Variants in THSD7A observed in about 807,000 individuals in gnomAD.
THSD7A encodes thrombospondin type 1 domain containing 7A.
Under a neutral mutation model 231.3 loss-of-function variants are expected in THSD7A, and 96 were observed. The observed-to-expected ratio is 0.41, with a 90% CI of 0.35 to 0.49. The LOEUF (loss-of-function observed/expected upper bound fraction) is 0.49, where lower values mean the gene tolerates loss of function less well. THSD7A is among the 20% of genes least tolerant of loss of function. The pLI is 0.05. For synonymous variants in THSD7A, 940 were observed against 743.3 expected, an observed-to-expected ratio of 1.26 and a Z score of -4.30; for missense variants, 2,290 against 2,070.2, an observed-to-expected ratio of 1.11 and a Z score of -2.06.
chr7:11,706,199 T>C (rs916350571), intron 1 of THSD7A, among the ~76,000 whole-genome samples: 3 of 150,986 alleles, frequency 2.0e-5, no homozygotes, highest in African/African-American at 7.3e-5. Context: ...AAAGGCACCA[T>C]TTTGTAGTTT....
intron 1 of THSD7A, among the ~76,000 whole-genome samples, chr7:11,812,040 A>G (rs1371643143): frequency 2.0e-5 from 3 of 152,114 alleles, no homozygotes; most frequent in Non-Finnish European, 2.9e-5. Context: ...ACCACTGAGC[A>G]TAATGAGAGA....
chr7:11,622,860 G>A (rs973309291), intron 2 of THSD7A, among the ~76,000 whole-genome samples: 1 of 152,278 alleles, frequency 6.6e-6, no homozygotes, highest in African/African-American at 2.4e-5. Context: ...GCCAAGTTAA[G>A]TTTTGGCTAA....
intron 1 of THSD7A, among the ~76,000 whole-genome samples, chr7:11,698,850 T>C (rs779629423): frequency 2.0e-5 from 3 of 151,398 alleles, no homozygotes; most frequent in Admixed American, 2.0e-4. Context: ...AATAGTTACG[T>C]AGAAGTGGAG....
chr7:11,769,103 ACCT>A (rs1783123090), intron 1 of THSD7A, among the ~76,000 whole-genome samples: 8 of 121,020 alleles, frequency 6.6e-5, no homozygotes, highest in African/African-American at 9.2e-5. Flanking sequence ...GATTACAGGC[ACCT>A]GCCATAATTC....
intron 1 of THSD7A, among the ~76,000 whole-genome samples, chr7:11,646,487 G>C (rs1311635425): frequency 6.6e-6 from 1 of 151,990 alleles, no homozygotes; most frequent in Non-Finnish European, 1.5e-5. Context: ...ATATGTTTGT[G>C]AGTGTTTAAA....
At position 11,469,914 on chromosome 7, in the gene THSD7A, C is replaced by A; in HGVS notation, c.2333G>T (p.Ser778Ile). 6.2e-7 allele frequency: 1 copy of A among 1,602,596 alleles called. No individual in the cohort carries two copies. The highest frequency in any genetic ancestry group is 1.1e-5 in the South Asian group (1 of 88,542). ...CKKDCIVTPY[S>I]DWTSCPSSCK... The stretch of plus-strand genomic sequence containing the variant: ...CGAAGAGGGGCATGATGTCCAGTCA[C>A]TATATGGGGTCACAATACAGTCCTT... The change falls in exon 9 of 28, where the codon AGT becomes ATT. Residue 778 changes from serine (S) to isoleucine (I), a missense_variant. Physicochemically the swap from Ser to Ile is moderately radical, Grantham distance 142. Coordinates refer to ENST00000423059, the MANE Select transcript of THSD7A (RefSeq NM_015204.3).
intron 1 of THSD7A, among the ~76,000 whole-genome samples, chr7:11,758,800 T>A (rs1169628549): frequency 1.3e-5 from 2 of 152,076 alleles, no homozygotes; most frequent in Non-Finnish European, 2.9e-5. Context: ...AGTAAATATT[T>A]TAGGCTCTGT....
chr7:11,766,144 T>C (rs1252626164), intron 1 of THSD7A, among the ~76,000 whole-genome samples: 2 of 152,194 alleles, frequency 1.3e-5, no homozygotes, highest in African/African-American at 2.4e-5. Flanking sequence ...CTCTCATTAT[T>C]ATTGCCTGGT....
intron 1 of THSD7A, among the ~76,000 whole-genome samples, chr7:11,748,165 C>T (rs1049106470): frequency 3.3e-4 from 50 of 151,768 alleles, no homozygotes; most frequent in African/African-American, 4.8e-5. Context: ...TGTGTGAGGG[C>T]CTGAGTATCA....
chr7:11,386,195 A>C (rs148695203), intron 23 of THSD7A, among the ~76,000 whole-genome samples: 28 of 152,326 alleles, frequency 1.8e-4, no homozygotes, highest in African/African-American at 6.5e-4. Context: ...ATGTGTCTTT[A>C]TAATAGAATG....
chr7:11,460,389 T>C (rs1245453942), intron 11 of THSD7A, among the ~76,000 whole-genome samples: 1 of 152,146 alleles, frequency 6.6e-6, no homozygotes, highest in Non-Finnish European at 1.5e-5. Flanking sequence ...AAAGCTTCAG[T>C]GTACCATTTA....
intron 1 of THSD7A, among the ~76,000 whole-genome samples, chr7:11,760,234 T>C (rs1478746738): frequency 6.6e-6 from 1 of 152,012 alleles, no homozygotes; most frequent in Admixed American, 6.6e-5. Flanking sequence ...ATTTGGGAGA[T>C]TTAGATGGAT....
chr7:11,828,832 A>T (rs754350490), intron 1 of THSD7A, among the ~76,000 whole-genome samples: 14 of 152,140 alleles, frequency 9.2e-5, no homozygotes, highest in Non-Finnish European at 1.3e-4. Context: ...GCTCTTGAAC[A>T]ACATGATTTG....
At chr7:11,570,369 T>C (rs1790571906) in intron 4 of THSD7A, among the ~76,000 whole-genome samples, 1 of 152,002 alleles carries the variant, frequency 6.6e-6, no homozygotes, top group Non-Finnish European at 1.5e-5. Flanking sequence ...AAGAGGGGGA[T>C]GAGAAGAGGA....
intron 1 of THSD7A, among the ~76,000 whole-genome samples, chr7:11,765,491 C>T (rs751291876): frequency 6.6e-6 from 1 of 152,118 alleles, no homozygotes; most frequent in Non-Finnish European, 1.5e-5. Flanking sequence ...TGTTTCCTTC[C>T]TTGGAAGTTG....
At chr7:11,755,419 A>C (rs1782637763) in intron 1 of THSD7A, among the ~76,000 whole-genome samples, 1 of 152,126 alleles carries the variant, frequency 6.6e-6, no homozygotes, top group Non-Finnish European at 1.5e-5. Flanking sequence ...AAGTTGTCCT[A>C]GTTAAAGTCC....
chr7:11,380,630 T>C (rs1336875938), intron 24 of THSD7A, among the ~76,000 whole-genome samples: 2 of 152,180 alleles, frequency 1.3e-5, no homozygotes, highest in Non-Finnish European at 2.9e-5. Flanking sequence ...ACTGAAGTTA[T>C]TATTAAACAC....
At chr7:11,450,289 T>C (rs929022252) in intron 11 of THSD7A, among the ~76,000 whole-genome samples, 1 of 152,032 alleles carries the variant, frequency 6.6e-6, no homozygotes, top group African/African-American at 2.4e-5. Context: ...ATACCTGCAC[T>C]ACATAAAATC....
chr7:11,650,008 G>T (rs1396391631), intron 1 of THSD7A, among the ~76,000 whole-genome samples: 1 of 152,036 alleles, frequency 6.6e-6, no homozygotes, highest in Non-Finnish European at 1.5e-5. Context: ...GAGTAAATGT[G>T]TACTGCTGTA....
Sources: allele counts gnomAD v4.1 joint callset (sites outside exome capture counted in the v4.1 genomes callset), GRCh38; gene constraint gnomAD v4.1.1; transcripts MANE v1.5; gene names NCBI Gene and HGNC (gene_info 2026-07-23, HGNC 2026-07-21).